The following KIFC3 variants were observed in gnomAD, a reference collection of about 807,000 sequenced individuals.
KIFC3 encodes the protein kinesin family member C3, also known as kinesin-like protein KIFC3.
Under a neutral mutation model 101.8 loss-of-function variants are expected in KIFC3, and 60 were observed. That is an observed-to-expected ratio of 0.59 (90% CI 0.48 to 0.73). The LOEUF (loss-of-function observed/expected upper bound fraction) is 0.73, where lower values mean the gene tolerates loss of function less well. Ranked by LOEUF, KIFC3 falls within the 30% of genes least tolerant of loss-of-function variation. KIFC3 has a pLI of 0.00. For missense variants in KIFC3, 966 were observed against 1,137.1 expected, an observed-to-expected ratio of 0.85 and a Z score of 2.16; for synonymous variants, 476 against 482.7, an observed-to-expected ratio of 0.99 and a Z score of 0.18.
intron 1 of KIFC3, among the ~76,000 whole-genome samples, chr16:57,847,263 GAAGGA>G (rs1432699301): frequency 0.026 from 2,315 of 88,880 alleles, 97 homozygotes; most frequent in African/African-American, 0.068. Flanking sequence ...AGGAAGGAAG[GAAGGA>G]AGGGAAGGGA....
At chr16:57,840,782 A>C (rs2055789493) in intron 1 of KIFC3, among the ~76,000 whole-genome samples, 1 of 148,518 alleles carries the variant, frequency 6.7e-6, no homozygotes, top group Non-Finnish European at 1.5e-5. Context: ...AAAAAAAGTT[A>C]AAATAAACCT....
chr16:57,785,105 C>T (rs569967620), intron 3 of KIFC3, among the ~76,000 whole-genome samples: 3 of 152,294 alleles, frequency 2.0e-5, no homozygotes, highest in East Asian at 1.9e-4. Context: ...AGGGCACCGT[C>T]GAAGATGGGG....
chr16:57,842,417 C>T (rs2055833430), intron 1 of KIFC3, among the ~76,000 whole-genome samples: 1 of 152,112 alleles, frequency 6.6e-6, no homozygotes, highest in East Asian at 1.9e-4. Flanking sequence ...AACTGGGTAA[C>T]AAACTTGTAA....
intron 11 of KIFC3, chr16:57,764,497 GCTCT>G (rs1346287314): frequency 2.4e-5 from 12 of 508,068 alleles, no homozygotes; most frequent in Admixed American, 1.0e-4. Flanking sequence ...AGCTCCTCCT[GCTCT>G]CTCTCAAAGA....
intron 3 of KIFC3, among the ~76,000 whole-genome samples, chr16:57,773,196 C>G (rs2051514679): frequency 6.6e-6 from 1 of 152,170 alleles, no homozygotes; most frequent in African/African-American, 2.4e-5. Flanking sequence ...ACCCCCACCT[C>G]GGGAAAGGTG....
intron 1 of KIFC3, chr16:57,816,173 C>G: frequency 1.6e-6 from 2 of 1,255,792 alleles, no homozygotes; most frequent in Non-Finnish European, 2.1e-6. Context: ...GGAGGGTGCT[C>G]CCACTTCTAA....
At chr16:57,784,278 C>A (rs2053083968) in intron 3 of KIFC3, among the ~76,000 whole-genome samples, 1 of 152,170 alleles carries the variant, frequency 6.6e-6, no homozygotes, top group Non-Finnish European at 1.5e-5. Context: ...AGAGGAGTCC[C>A]CAGTTAGTGG....
intron 1 of KIFC3, among the ~76,000 whole-genome samples, chr16:57,840,141 CAGCCTGGCCAACAT>C (rs2055774268): frequency 6.6e-6 from 1 of 151,980 alleles, no homozygotes; most frequent in Non-Finnish European, 1.5e-5. Flanking sequence ...AGTTCAAGAC[CAGCCTGGCCAACAT>C]AGCAAAACCT....
At chr16:57,782,333 G>A (rs561215707) in intron 3 of KIFC3, 178 of 175,510 alleles carry the variant, frequency 1.0e-3, no homozygotes, top group African/African-American at 4.0e-3. Context: ...TCCTGCTCAC[G>A]GGATTCCAAA....
In KIFC3 at chr16:57,764,741, G is replaced by A. The variant is rs1304859635; in HGVS notation, c.1513-494C>T. Among the ~76,000 whole-genome samples the A allele has an allele frequency of 5.3e-5, 8 of 152,308 alleles. No individual in the cohort carries two copies. The East Asian group carries it at 1.5e-3, about 29-fold the overall frequency. ...AGGGGGTTGGGGGATTCCTAGGAAGGCCCAGGGGACTGATACAGGAGGGTA... is the reference window on the plus strand; with the variant it reads ...AGGGGGTTGGGGGATTCCTAGGAAGACCCAGGGGACTGATACAGGAGGGTA... On this transcript the variant is annotated intron_variant, in intron 11 of 19. Coordinates refer to ENST00000445690, the MANE Select transcript of KIFC3 (RefSeq NM_001130100.2).
chr16:57,842,316 G>A (rs534947932), intron 1 of KIFC3, among the ~76,000 whole-genome samples: 19 of 152,208 alleles, frequency 1.2e-4, no homozygotes, highest in Non-Finnish European at 2.5e-4. Context: ...TGTGCTTGCT[G>A]GGCCAGGGTC....
upstream of KIFC3, among the ~76,000 whole-genome samples, chr16:57,804,818 C>T (rs2054895465): frequency 6.6e-6 from 1 of 151,232 alleles, no homozygotes; most frequent in African/African-American, 2.4e-5. Context: ...TGGTCTCAAA[C>T]TCCTGGGCTC....
At position 57,802,264 on chromosome 16, in the gene KIFC3, G is replaced by GT; in HGVS notation, c.-40+105_-40+106insA. 1.8e-6 allele frequency: 1 copy of GT among 546,242 alleles called. No homozygotes were observed. The highest frequency in any genetic ancestry group is 2.3e-6 in the Non-Finnish European group (1 of 428,606). 33.8% of individuals were successfully genotyped at this position (546,242 alleles called of 1,614,324 possible). A position where few individuals can be genotyped will look rare whatever the true frequency, so the allele number is the denominator to read the frequency against. On this transcript the variant is annotated intron_variant, in intron 1 of 19. Transcript: ENST00000445690. The surrounding 1 kb of genome is among the most constrained non-coding windows in gnomAD (Gnocchi z 5.0). The stretch of plus-strand genomic sequence containing the variant: ...CCCGCGCCCATAGCGGGTCCGGGCA[G>GT]AGGGGTCCCGAGGGCAGGGCCGGCC...
At chr16:57,808,119 C>A (rs1327051472), upstream of KIFC3, among the ~76,000 whole-genome samples, 1 of 152,020 alleles carries the variant, frequency 6.6e-6, no homozygotes, top group Non-Finnish European at 1.5e-5. Context: ...AGGAATTTGG[C>A]GGAGATTCCC....
Position 57,798,182 on chromosome 16 carries a change from C to A in KIFC3, c.62G>T (p.Arg21Ile). ...CTCGGGCTCCGGGGCCCGGCCCACT[C>A]TCCACAGGCCCCGCAGCGAGGGCGT... ...GATPSLRGLWRVGRAPEPEPG... is the reference protein window; with the variant it reads ...GATPSLRGLWIVGRAPEPEPG... Residue 21 changes from arginine (R) to isoleucine (I), a missense_variant, in exon 2 of 20, where the codon AGA becomes ATA. By Grantham distance (97) the Arg-to-Ile change is moderately conservative (BLOSUM62 -3). This residue lies in a region of KIFC3 where 277 missense variants were observed against 252.5 expected (regional missense o/e 1.10). Coordinates refer to ENST00000445690, the MANE Select transcript of KIFC3 (RefSeq NM_001130100.2). 1 of 1,541,348 alleles carries A rather than the reference C, an allele frequency of 6.5e-7. No individual in the cohort carries two copies. Among genetic ancestry groups the A allele is most frequent in the Non-Finnish European group, 8.7e-7 (1 of 1,143,678 alleles).
At chr16:57,826,745 G>C (rs2055464858) in intron 1 of KIFC3, among the ~76,000 whole-genome samples, 1 of 152,196 alleles carries the variant, frequency 6.6e-6, no homozygotes, top group African/African-American at 2.4e-5. Flanking sequence ...CATCACAGAG[G>C]AAGCTGACAG....
chr16:57,819,544 T>G (rs190374996), intron 1 of KIFC3, among the ~76,000 whole-genome samples: 96 of 152,272 alleles, frequency 6.3e-4, no homozygotes, highest in Admixed American at 2.0e-3. Context: ...ATTTATTTTT[T>G]ATTTTTTTAA....
upstream of KIFC3, chr16:57,802,942 C>A (rs1555626068): frequency 1.3e-6 from 2 of 1,531,604 alleles, no homozygotes; most frequent in Non-Finnish European, 1.7e-6. This position sits in a 1 kb window ranked among gnomAD's most constrained non-coding sequence, Gnocchi z 5.0. Context: ...TCCCAACACA[C>A]ACACAAGCTC....
intron 1 of KIFC3, among the ~76,000 whole-genome samples, chr16:57,837,581 G>GAAAGAAAGAA (rs1458271827): frequency 1.3e-5 from 2 of 151,656 alleles, no homozygotes; most frequent in South Asian, 2.1e-4. Flanking sequence ...AAGAAAGAAA[G>GAAAGAAAGAA]AGTAGCAGTA....
Sources: allele counts gnomAD v4.1 joint callset (sites outside exome capture counted in the v4.1 genomes callset), GRCh38; gene constraint gnomAD v4.1.1; regional missense constraint gnomAD v4.1.1; non-coding constraint Gnocchi (gnomAD v3.1); transcripts MANE v1.5; gene names NCBI Gene and HGNC (gene_info 2026-07-23, HGNC 2026-07-21).